The following DCC variants were observed in gnomAD, a reference collection of about 807,000 sequenced individuals.
DCC encodes netrin receptor DCC.
Under a neutral mutation model 172.5 loss-of-function variants are expected in DCC, and 58 were observed. The observed-to-expected ratio is 0.34, with a 90% CI of 0.27 to 0.42. DCC has a LOEUF of 0.42. Among genes scored for constraint, DCC ranks in the 10% least tolerant of loss-of-function variants. The probability of loss-of-function intolerance (pLI) is 1.00; values close to 1 mark genes in which losing one functional copy is unlikely to be tolerated. For missense variants in DCC, 1,740 were observed against 1,791.0 expected (o/e 0.97, Z 0.51); for synonymous variants, 709 against 644.5 (o/e 1.10, Z -1.52).
intron 22 of DCC, among the ~76,000 whole-genome samples, chr18:53,442,101 C>T (rs901724867): frequency 1.3e-5 from 2 of 152,090 alleles, no homozygotes; most frequent in South Asian, 2.1e-4. Context: ...CATTGTTATA[C>T]CTCTCTACAT....
intron 5 of DCC, among the ~76,000 whole-genome samples, chr18:52,943,282 T>C (rs2040491424): frequency 6.6e-6 from 1 of 152,240 alleles, no homozygotes; most frequent in African/African-American, 2.4e-5. Context: ...ATTTCATTAA[T>C]AATAGTACTT....
chr18:53,280,815 TA>T (rs2056861610), intron 12 of DCC, among the ~76,000 whole-genome samples: 1 of 152,076 alleles, frequency 6.6e-6, no homozygotes, highest in African/African-American at 2.4e-5. Flanking sequence ...AGATGAGGAA[TA>T]AAAAATATTC....
chr18:52,474,965 T>C (rs996657169), intron 1 of DCC, among the ~76,000 whole-genome samples: 11 of 152,222 alleles, frequency 7.2e-5, no homozygotes, highest in Non-Finnish European at 1.6e-4. Flanking sequence ...AAATCACTCC[T>C]CTGATATTAG....
chr18:52,478,664 C>A (rs893265442), intron 1 of DCC, among the ~76,000 whole-genome samples: 1 of 152,140 alleles, frequency 6.6e-6, no homozygotes. Context: ...TGGCAGAAAG[C>A]CATGGGGGAG....
chr18:52,558,733 TAAATGAA>T (rs2144735723), intron 1 of DCC, among the ~76,000 whole-genome samples: 2 of 152,224 alleles, frequency 1.3e-5, no homozygotes, highest in Non-Finnish European at 2.9e-5. Flanking sequence ...ACCCGAATTT[TAAATGAA>T]AAATGAAAAA....
At chr18:53,016,675 C>G (rs2041811394) in intron 5 of DCC, among the ~76,000 whole-genome samples, 1 of 151,932 alleles carries the variant, frequency 6.6e-6, no homozygotes. Context: ...AGTGAGAGTA[C>G]TTTGTCTTTT....
At chr18:52,869,196 C>T (rs953098782) in intron 2 of DCC, among the ~76,000 whole-genome samples, 4 of 152,214 alleles carry the variant, frequency 2.6e-5, no homozygotes, top group Admixed American at 2.6e-4. Flanking sequence ...GTCCCGCAAC[C>T]AGGAAGAATA....
intron 8 of DCC, among the ~76,000 whole-genome samples, chr18:53,160,473 AT>A (rs1272883217): frequency 6.6e-6 from 1 of 152,154 alleles, no homozygotes; most frequent in Non-Finnish European, 1.5e-5. Context: ...ACTTGCATCA[AT>A]GTTTTGCCTG....
chr18:52,550,133 TTCTC>T (rs1183753429), intron 1 of DCC, among the ~76,000 whole-genome samples: 2 of 151,918 alleles, frequency 1.3e-5, no homozygotes, highest in Non-Finnish European at 2.9e-5. Flanking sequence ...TCTGTGTTCT[TTCTC>T]TCTAAAAAAA....
intron 1 of DCC, among the ~76,000 whole-genome samples, chr18:52,390,820 G>T (rs1249787646): frequency 6.6e-6 from 1 of 152,096 alleles, no homozygotes; most frequent in Non-Finnish European, 1.5e-5. Flanking sequence ...CACTAAGTCA[G>T]AAATTGTTAG....
intron 12 of DCC, among the ~76,000 whole-genome samples, chr18:53,262,258 A>G (rs1598960464): frequency 6.6e-6 from 1 of 152,166 alleles, no homozygotes; most frequent in Non-Finnish European, 1.5e-5. Flanking sequence ...ATGTGAATGT[A>G]TTATACCCAT....
At chr18:53,104,021 T>G (rs1174625423) in intron 7 of DCC, among the ~76,000 whole-genome samples, 1 of 152,004 alleles carries the variant, frequency 6.6e-6, no homozygotes. Flanking sequence ...TTTTAAAAAT[T>G]AAAATTAATG....
In DCC at chr18:53,205,454, C is replaced by T. The variant is rs1019962043; in HGVS notation, c.1722+90C>T. 39 of 1,297,156 alleles carry T rather than the reference C, an allele frequency of 3.0e-5. 2 individuals carry two copies. Among genetic ancestry groups the T allele is most frequent in the African/African-American group, 1.9e-4 (13 of 68,934 alleles). The allele number at this position is 1,297,156 out of a possible 1,614,324, so 80.4% of individuals were successfully genotyped here. On this transcript the variant is annotated intron_variant, in intron 10 of 28. Coordinates refer to ENST00000442544, the MANE Select transcript of DCC (RefSeq NM_005215.4). ...AGGGCTGGAGAAATAGGAAAAGACT[C>T]GCAAACTCTTGAAACAGCCCAGTGT...
Position 53,499,378 on chromosome 18 carries a change from C to T in DCC, c.3979C>T (p.Pro1327Ser), listed in dbSNP as rs779041169. ...QPEHSSSEEA[P>S]SRTIPTACVR... ...TGAGCATTCTAGCAGCGAGGAGGCA[C>T]CAAGCAGAACCATCCCCACAGCTTG... The change falls in exon 27 of 29, where the codon CCA becomes TCA. Residue 1327 changes from proline (P) to serine (S), a missense_variant. By Grantham distance (74) the Pro-to-Ser change is moderately conservative. Around this residue, in one of 2 missense-constraint regions of DCC, gnomAD observed 1,732 missense variants for 1,767.4 expected, o/e 0.98. Transcript: ENST00000442544. The T allele has an allele frequency of 6.2e-7, 1 of 1,614,092 alleles. No individual in the cohort carries two copies. The highest frequency in any genetic ancestry group is 1.7e-5 in the Admixed American group (1 of 60,004).
chr18:52,497,860 A>C (rs1400172513), intron 1 of DCC, among the ~76,000 whole-genome samples: 1 of 152,166 alleles, frequency 6.6e-6, no homozygotes, highest in Non-Finnish European at 1.5e-5. Flanking sequence ...CAAGATCTCC[A>C]GGTGATCCCT....
intron 2 of DCC, among the ~76,000 whole-genome samples, chr18:52,792,895 G>A (rs1279749317): frequency 1.9e-5 from 1 of 52,846 alleles, no homozygotes. Flanking sequence ...CAGATTTTGA[G>A]GTTTTTCTCC....
chr18:53,226,932 G>GTATATATATA (rs1452126370), intron 12 of DCC, among the ~76,000 whole-genome samples: 1 of 59,216 alleles, frequency 1.7e-5, no homozygotes, highest in Non-Finnish European at 3.6e-5. Flanking sequence ...GTGTGTGTGT[G>GTATATATATA]TGTATATATA....
intron 5 of DCC, among the ~76,000 whole-genome samples, chr18:52,935,590 C>T (rs11664259): frequency 0.28 from 42,824 of 151,690 alleles, 7,692 homozygotes; most frequent in Non-Finnish European, 0.41. Flanking sequence ...TTATTTTTTA[C>T]GGAACAATAT....
intron 22 of DCC, 93 bp from the exon 23 acceptor site, chr18:53,450,407 G>A: frequency 6.9e-7 from 1 of 1,441,552 alleles, no homozygotes; most frequent in Non-Finnish European, 9.7e-7. Flanking sequence ...GAAAAGCCCA[G>A]AACATTAGGA....
Sources: gnomAD v4.1 joint callset for allele counts (sites outside exome capture counted in the v4.1 genomes callset) on GRCh38, gnomAD v4.1.1 for gene constraint, gnomAD v4.1.1 regional missense constraint, MANE v1.5 for transcripts, NCBI Gene and HGNC (gene_info 2026-07-23, HGNC 2026-07-21) for gene names.